The following OR2AT4 variants were observed in gnomAD, a reference collection of about 807,000 sequenced individuals.
OR2AT4 encodes olfactory receptor family 2 subfamily AT member 4.
In OR2AT4, 6 loss-of-function variants were observed where a neutral mutation model predicts 10.3. That is an observed-to-expected ratio of 0.58 (90% CI 0.32 to 1.15). The LOEUF is 1.15. Among genes scored for constraint, OR2AT4 ranks in the 50% most tolerant of loss-of-function variants. The pLI is 0.05. For synonymous variants in OR2AT4, 145 were observed against 159.1 expected, an observed-to-expected ratio of 0.91 and a Z score of 0.67; for missense variants, 354 against 393.8, an observed-to-expected ratio of 0.90 and a Z score of 0.85.
rs1178975323 is a variant in OR2AT4 at position 75,093,789 on chromosome 11, CTTTTTTTTCTTTTTCTTTTTCTT to C, written c.-652+3016_-652+3038del. On this transcript the variant is annotated intron_variant, in intron 1 of 1. Transcript: ENST00000641504. ...CAGGCGGCTTTTCCTTTTCTCTTTTCTTTTTTTTCTTTTTCTTTTTCTTTTTTTTTTTTTTTTTTTTTTTTTTT... is the reference window on the plus strand; with the variant it reads ...CAGGCGGCTTTTCCTTTTCTCTTTTCTTTTTTTTTTTTTTTTTTTTTTTTT... 6.8e-3 allele frequency among the ~76,000 whole-genome samples: 777 copies of C among 114,358 alleles called. 2 individuals are homozygous for C. The highest frequency in any genetic ancestry group is 0.016 in the Middle Eastern group (3 of 192). The allele number at this position is 114,358 out of a possible 152,430, so 75.0% of individuals were successfully genotyped here. A position where few individuals can be genotyped will look rare whatever the true frequency, so the allele number is the denominator to read the frequency against.
intron 1 of OR2AT4, among the ~76,000 whole-genome samples, chr11:75,093,832 T>C: frequency 9.6e-6 from 1 of 103,670 alleles, no homozygotes; most frequent in African/African-American, 3.4e-5. Flanking sequence ...TTTTTTTTTT[T>C]TTTTTTTGAG....
exon 2 of OR2AT4, chr11:75,082,311 G>A (rs1478069426): frequency 6.6e-6 from 1 of 152,050 alleles, no homozygotes; most frequent in East Asian, 1.9e-4. Context: ...CTGGGGTGGG[G>A]GAGTGGGGAG....
At chr11:75,094,177 C>G (rs1422871011) in intron 1 of OR2AT4, among the ~76,000 whole-genome samples, 2 of 151,886 alleles carry the variant, frequency 1.3e-5, no homozygotes, top group Admixed American at 6.6e-5. Context: ...AGGGCTTTCC[C>G]ATACTGTCAT....
At chr11:75,089,852 T>C (rs1428159655) in exon 2 of OR2AT4, 3 of 937,658 alleles carry the variant, frequency 3.2e-6, no homozygotes, top group Non-Finnish European at 3.2e-6. Context: ...AGCAGAATTA[T>C]TTACAACCAA....
intron 1 of OR2AT4, among the ~76,000 whole-genome samples, chr11:75,091,654 T>C (rs1475709085): frequency 6.6e-6 from 1 of 152,182 alleles, no homozygotes; most frequent in Non-Finnish European, 1.5e-5. Flanking sequence ...TGTATACTTA[T>C]TTGATATTTG....
chr11:75,094,551 C>A (rs1949337408), intron 1 of OR2AT4, among the ~76,000 whole-genome samples: 1 of 152,068 alleles, frequency 6.6e-6, no homozygotes, highest in Non-Finnish European at 1.5e-5. Flanking sequence ...AGTTTGAGGC[C>A]AGCCTGGGCA....
In OR2AT4 at chr11:75,090,369, A is replaced by G. The variant is rs906200101; in HGVS notation, c.-651-5T>C. 5 of 152,268 alleles carry G rather than the reference A, an allele frequency of 3.3e-5. No individual in the cohort carries two copies. Among genetic ancestry groups the G allele is most frequent in the African/African-American group, 9.7e-5 (4 of 41,446 alleles). 9.4% of individuals were successfully genotyped at this position (152,268 alleles called of 1,614,324 possible). ...TAGGTGTCTGGACTTCTGCTCCTGT[A>G]TTGGATATAATAGACCATGATAGCC... On this transcript the variant is annotated splice_polypyrimidine_tract_variant and splice_region_variant and intron_variant, in intron 1 of 1. Coordinates refer to ENST00000641504, the Ensembl canonical transcript of OR2AT4.
chr11:75,089,759 T>C (rs758825775), exon 2 of OR2AT4: 2 of 1,560,294 alleles, frequency 1.3e-6, no homozygotes, highest in Non-Finnish European at 1.7e-6. Flanking sequence ...CTGGAACATC[T>C]AGACATTGGA....
intron 1 of OR2AT4, among the ~76,000 whole-genome samples, chr11:75,093,206 A>T (rs1949328876): frequency 6.6e-6 from 1 of 152,264 alleles, no homozygotes; most frequent in Non-Finnish European, 1.5e-5. Context: ...TTAAAGGTGT[A>T]TTCTACCCAA....
chr11:75,089,011 A>G (rs1379853153), exon 2 of OR2AT4: 1 of 1,614,020 alleles, frequency 6.2e-7, no homozygotes, highest in Non-Finnish European at 8.5e-7. Context: ...CCTTCTAGGG[A>G]ACTGATGCGA....
chr11:75,093,015 G>A (rs1298504086), intron 1 of OR2AT4, among the ~76,000 whole-genome samples: 1 of 152,132 alleles, frequency 6.6e-6, no homozygotes, highest in Non-Finnish European at 1.5e-5. Flanking sequence ...CAGGAGAATC[G>A]CTTGAACCTG....
At chr11:75,086,521 A>C (rs1264962937) in exon 2 of OR2AT4, 5 of 152,206 alleles carry the variant, frequency 3.3e-5, no homozygotes, top group African/African-American at 4.8e-5. Context: ...AAAAGCAGGC[A>C]AAAGATCTGG....
exon 2 of OR2AT4, chr11:75,088,643 A>G (rs768247281): frequency 4.0e-4 from 428 of 1,082,150 alleles, no homozygotes; most frequent in Non-Finnish European, 5.2e-4. Flanking sequence ...CAACAACTTA[A>G]GATTCCAATA....
exon 2 of OR2AT4, chr11:75,083,341 T>C (rs937205468): frequency 6.6e-6 from 1 of 152,014 alleles, no homozygotes; most frequent in South Asian, 2.1e-4. Context: ...ATCAAAACCA[T>C]GAGATATTAT....
In OR2AT4 at chr11:75,093,789, CTT is replaced by C. The variant is rs1226154229; in HGVS notation, c.-652+3037_-652+3038del. The stretch of plus-strand genomic sequence containing the variant: ...CAGGCGGCTTTTCCTTTTCTCTTTT[CTT>C]TTTTTTCTTTTTCTTTTTCTTTTTT... On this transcript the variant is annotated intron_variant, in intron 1 of 1. Coordinates refer to ENST00000641504, the Ensembl canonical transcript of OR2AT4. Among the ~76,000 whole-genome samples the C allele has an allele frequency of 2.6e-5, 3 of 114,452 alleles. No individual in the cohort carries two copies. In the South Asian group the frequency reaches 9.1e-4, roughly 35 times the overall value. 75.1% of individuals were successfully genotyped at this position (114,452 alleles called of 152,430 possible).
At chr11:75,094,175 C>T (rs1484508049) in intron 1 of OR2AT4, among the ~76,000 whole-genome samples, 1 of 151,960 alleles carries the variant, frequency 6.6e-6, no homozygotes, top group East Asian at 1.9e-4. Context: ...CCAGGGCTTT[C>T]CCATACTGTC....
exon 2 of OR2AT4, chr11:75,088,805 C>T (rs1949301968): frequency 6.3e-7 from 1 of 1,596,196 alleles, no homozygotes. Flanking sequence ...TGATGGCTGC[C>T]TTTACATCCC....
exon 2 of OR2AT4, chr11:75,087,097 C>G (rs532229641): frequency 1.3e-5 from 2 of 152,234 alleles, no homozygotes; most frequent in African/African-American, 4.8e-5. Context: ...TAATAAAATG[C>G]AATGTGGCAT....
exon 2 of OR2AT4, chr11:75,088,974 C>A (rs375045988): frequency 2.5e-6 from 4 of 1,614,164 alleles, no homozygotes; most frequent in Non-Finnish European, 3.4e-6. Context: ...AAGGTGGGAG[C>A]TGCAGGTGGA....
Sources: gnomAD v4.1 joint callset for allele counts (sites outside exome capture counted in the v4.1 genomes callset) on GRCh38, gnomAD v4.1.1 for gene constraint, MANE v1.5 for transcripts, NCBI Gene and HGNC (gene_info 2026-07-23, HGNC 2026-07-21) for gene names.